Variants in MYO10 observed in about 807,000 individuals in gnomAD.
MYO10 encodes unconventional myosin-X.
MYO10 carries 133 observed loss-of-function variants against 257.3 expected under a neutral mutation model. The ratio of observed to expected loss-of-function variants is 0.52; its 90% CI spans 0.45 to 0.60. The LOEUF (loss-of-function observed/expected upper bound fraction) is 0.60, where lower values mean the gene tolerates loss of function less well. Among genes scored for constraint, MYO10 ranks in the 20% least tolerant of loss-of-function variants. The pLI is 0.00. For missense variants in MYO10, 2,399 were observed against 2,635.7 expected (o/e 0.91, Z 1.97); for synonymous variants, 1,104 against 1,028.6 (o/e 1.07, Z -1.40).
intron 34 of MYO10, 57 bp downstream of exon 34, chr5:16,675,974 T>C (rs1380492916): frequency 6.5e-7 from 1 of 1,545,894 alleles, no homozygotes; most frequent in African/African-American, 1.4e-5. Context: ...GCTAAAGAGT[T>C]AGCAGGGCAA....
rs954709607 is a variant in MYO10, at chr5:16,703,007, G to C, written c.2428C>G (p.Gln810Glu). 69 of 1,552,086 alleles carry C rather than the reference G, an allele frequency of 4.4e-5. No individual in the cohort carries two copies. Among genetic ancestry groups the C allele is most frequent in the Non-Finnish European group, 5.7e-5 (65 of 1,147,168 alleles). ...RGQIARRVYR[Q>E]LLAEKREQEE... is the part of the protein sequence containing the mutation. ...TGCTCCCTTTTCTCTGCCAGCAATT[G>C]TCTGTAAACTCTCCGAGCAATCTGA... Residue 810 changes from glutamine (Q) to glutamate (E), a missense_variant, in exon 23 of 41, where the codon CAA becomes GAA. This residue lies in a region of MYO10 where 1,820 missense variants were observed against 1,939.4 expected (regional missense o/e 0.94). Coordinates refer to ENST00000513610, the MANE Select transcript of MYO10 (RefSeq NM_012334.3).
chr5:16,811,777 A>G (rs939898267), intron 3 of MYO10, among the ~76,000 whole-genome samples: 6 of 152,048 alleles, frequency 3.9e-5, no homozygotes, highest in African/African-American at 1.4e-4. Flanking sequence ...TCTTGAACTC[A>G]TGGGCTCAAG....
chr5:16,932,158 A>T (rs932378679), intron 1 of MYO10, among the ~76,000 whole-genome samples: 1 of 152,264 alleles, frequency 6.6e-6, no homozygotes, highest in Non-Finnish European at 1.5e-5. Context: ...CTTAAACATT[A>T]ATACCTGCTT....
chr5:16,885,996 G>A (rs1022463236), intron 1 of MYO10, among the ~76,000 whole-genome samples: 33 of 152,124 alleles, frequency 2.2e-4, no homozygotes, highest in Non-Finnish European at 2.9e-5. Context: ...GGGCACCCAC[G>A]ACAGCTAAAT....
chr5:16,818,311 CTCTTTCATT>C, intron 2 of MYO10, 144 bp from the exon 3 acceptor site: 3 of 699,062 alleles, frequency 4.3e-6, no homozygotes, highest in Non-Finnish European at 6.8e-6. Flanking sequence ...TCGCAAAAAT[CTCTTTCATT>C]TTATGTCACC....
intron 19 of MYO10, among the ~76,000 whole-genome samples, chr5:16,715,381 G>A (rs901894254): frequency 4.3e-5 from 6 of 139,906 alleles, no homozygotes; most frequent in Admixed American, 1.5e-4. Context: ...CGATGGTGCC[G>A]TAAGATTGAA....
At position 16,702,875 on chromosome 5, in the gene MYO10, G is replaced by A. The variant is rs757258629; in HGVS notation, c.2510+50C>T. 6.8e-6 allele frequency: 10 copies of A among 1,479,336 alleles called. No homozygotes were observed. The South Asian group carries it at 7.4e-5, about 11-fold the overall frequency. The allele number at this position is 1,479,336 out of a possible 1,614,324, so 91.6% of individuals were successfully genotyped here. ...GCTGCACAGACAGATACCGAGCACA[G>A]CACTCAAAATGTATCCATTTGTTTC... On this transcript the variant is annotated intron_variant, in intron 23 of 40. Transcript: ENST00000513610.
At chr5:16,672,552 A>G in intron 37 of MYO10, 137 bp downstream of exon 37, 1 of 952,582 alleles carries the variant, frequency 1.0e-6, no homozygotes, top group Non-Finnish European at 1.5e-6. Context: ...AAAGTTAAAC[A>G]GGCATCAACA....
chr5:16,912,802 GCACACACACACA>G (rs70943817), intron 1 of MYO10, among the ~76,000 whole-genome samples: 29 of 111,644 alleles, frequency 2.6e-4, no homozygotes, highest in South Asian at 1.1e-3. Flanking sequence ...CTACCACCCT[GCACACACACACA>G]CACACACACA....
intron 2 of MYO10, among the ~76,000 whole-genome samples, chr5:16,872,579 C>G (rs1264599786): frequency 1.3e-5 from 2 of 152,126 alleles, no homozygotes; most frequent in African/African-American, 4.8e-5. Flanking sequence ...AGGAAAACAT[C>G]TTTGGGATTA....
intron 23 of MYO10, 122 bp downstream of exon 23, chr5:16,702,803 G>A: frequency 1.0e-6 from 1 of 1,001,984 alleles, no homozygotes. Context: ...GCCACCTAGA[G>A]TTACTGTTTC....
intron 18 of MYO10, among the ~76,000 whole-genome samples, chr5:16,756,507 T>G (rs1740532633): frequency 6.6e-6 from 1 of 152,244 alleles, no homozygotes; most frequent in Non-Finnish European, 1.5e-5. Flanking sequence ...ATAATCTTGT[T>G]GAAGAAAACT....
At chr5:16,874,256 C>T (rs555406834) in intron 2 of MYO10, among the ~76,000 whole-genome samples, 1 of 146,960 alleles carries the variant, frequency 6.8e-6, no homozygotes, top group African/African-American at 2.5e-5. Flanking sequence ...ATGGTGTGAA[C>T]CCGGGACGTA....
At chr5:16,822,122 T>C (rs557849880) in intron 2 of MYO10, among the ~76,000 whole-genome samples, 1 of 152,296 alleles carries the variant, frequency 6.6e-6, no homozygotes, top group African/African-American at 2.4e-5. Context: ...AAGGATCAGA[T>C]ACATTTAGAA....
At chr5:16,823,685 G>T (rs1227128976) in intron 2 of MYO10, among the ~76,000 whole-genome samples, 1 of 150,482 alleles carries the variant, frequency 6.6e-6, no homozygotes, top group African/African-American at 2.4e-5. Flanking sequence ...TGTTAGCCAG[G>T]ATGGTCTCGA....
At chr5:16,907,225 C>T (rs1745543162) in intron 1 of MYO10, among the ~76,000 whole-genome samples, 1 of 152,192 alleles carries the variant, frequency 6.6e-6, no homozygotes, top group Non-Finnish European at 1.5e-5. Flanking sequence ...TCTTTACTTG[C>T]CTCTTTGTTA....
In MYO10 at chr5:16,663,367, T is replaced by TTTTTTTA. The variant is rs1736047300; in HGVS notation, c.*3324_*3325insTAAAAAA. 1.6e-5 allele frequency: 2 copies of TTTTTTTA among 124,608 alleles called. No homozygotes were observed. Among genetic ancestry groups the TTTTTTTA allele is most frequent in the Non-Finnish European group, 3.3e-5 (2 of 60,854 alleles). The allele number at this position is 124,608 out of a possible 1,614,324, so 7.7% of individuals were successfully genotyped here. On this transcript the variant is annotated 3_prime_UTR_variant, in exon 41 of 41. Coordinates refer to ENST00000513610, the MANE Select transcript of MYO10 (RefSeq NM_012334.3). ...TTTTTTTTTTTTTTTTTTTTTTTTT[T>TTTTTTTA]ACAAATCACCTATATGTATTAGCTT...
intron 2 of MYO10, among the ~76,000 whole-genome samples, chr5:16,823,487 T>TTTTTTTTTTTA (rs1742901645): frequency 9.1e-6 from 1 of 109,706 alleles, no homozygotes; most frequent in Non-Finnish European, 1.9e-5. Context: ...TTTTTTTTTT[T>TTTTTTTTTTTA]GTGAGACAGA....
intron 2 of MYO10, among the ~76,000 whole-genome samples, chr5:16,831,390 A>C (rs1743157691): frequency 6.6e-6 from 1 of 152,190 alleles, no homozygotes; most frequent in South Asian, 2.1e-4. Context: ...GAGGAAAAGA[A>C]GTCATTATAC....
Sources: allele counts gnomAD v4.1 joint callset (sites outside exome capture counted in the v4.1 genomes callset), GRCh38; gene constraint gnomAD v4.1.1; regional missense constraint gnomAD v4.1.1; transcripts MANE v1.5; gene names NCBI Gene and HGNC (gene_info 2026-07-23, HGNC 2026-07-21).